The following SETD1B variants were observed in gnomAD, a reference collection of about 807,000 sequenced individuals.
SETD1B encodes the protein histone-lysine N-methyltransferase SETD1B.
A neutral mutation model predicts 148.0 loss-of-function variants in SETD1B; 7 were observed. The ratio of observed to expected loss-of-function variants is 0.05; its 90% CI spans 0.03 to 0.09. The LOEUF (loss-of-function observed/expected upper bound fraction) is 0.09, where lower values mean the gene tolerates loss of function less well. SETD1B is among the 10% of genes least tolerant of loss of function. The pLI is 1.00. For missense variants in SETD1B, 2,155 were observed against 2,729.9 expected (o/e 0.79, Z 4.69); for synonymous variants, 1,361 against 1,186.5 (o/e 1.15, Z -3.02).
rs1177699899 is a variant in SETD1B, at chr12:121,823,391, G to A, written c.4812G>A (p.Leu1604=). Residue 1604 remains leucine, a synonymous_variant, in exon 12 of 17, where the codon CTG becomes CTA. Coordinates refer to ENST00000604567, the MANE Select transcript of SETD1B (RefSeq NM_001353345.2). The part of the protein sequence containing the change: ...PPPPPVEPTK[L]PFKELDNQWP... Reference sequence around the variant, plus strand: ...CCCCACCTGTAGAGCCCACCAAGCTGCCCTTTAAGGAGCTAGACAACCAGT... The same window carrying A: ...CCCCACCTGTAGAGCCCACCAAGCTACCCTTTAAGGAGCTAGACAACCAGT... The A allele has an allele frequency of 1.6e-6, 2 of 1,290,088 alleles. No individual in the cohort carries two copies. The highest frequency in any genetic ancestry group is 1.8e-5 in the African/African-American group (1 of 55,206). The allele number at this position is 1,290,088 out of a possible 1,614,324, so 79.9% of individuals were successfully genotyped here.
At chr12:121,793,003 C>G in the SETD1B span, 5 of 672,206 alleles carry the variant, frequency 7.4e-6, no homozygotes, top group East Asian at 1.4e-4. Flanking sequence ...GGCCCCGCAG[C>G]CAGCGCCCCT....
intron 15 of SETD1B, 32 bp downstream of exon 15, chr12:121,827,886 G>A (rs1876915435): frequency 6.4e-7 from 1 of 1,552,778 alleles, no homozygotes. Flanking sequence ...GGGCACCGGG[G>A]TGGGCATGGG....
At chr12:121,812,461 C>CA (rs1042611087) in intron 6 of SETD1B, among the ~76,000 whole-genome samples, 2 of 150,570 alleles carry the variant, frequency 1.3e-5, no homozygotes, top group African/African-American at 5.0e-5. Flanking sequence ...TGAGGTGCCG[C>CA]ACAGGATGCT....
Position 121,823,407 on chromosome 12 carries a change from G to A in SETD1B, c.4828G>A (p.Asp1610Asn). Residue 1610 changes from aspartate to asparagine, a missense_variant, in exon 12 of 17, where the codon GAC becomes AAC. By Grantham distance (23) the Asp-to-Asn change is conservative. Coordinates refer to ENST00000604567, the MANE Select transcript of SETD1B (RefSeq NM_001353345.2). ...EPTKLPFKEL[D>N]NQWPSEAIPP... ...CACCAAGCTGCCCTTTAAGGAGCTAGACAACCAGTGGCCCTCCGAGGCCAT... is the reference window on the plus strand; with the variant it reads ...CACCAAGCTGCCCTTTAAGGAGCTAAACAACCAGTGGCCCTCCGAGGCCAT... 6.5e-7 allele frequency: 1 copy of A among 1,540,158 alleles called. No homozygotes were observed. The highest frequency in any genetic ancestry group is 2.5e-5 in the East Asian group (1 of 40,548).
intron 11 of SETD1B, among the ~76,000 whole-genome samples, chr12:121,822,095 A>C (rs1416380749): frequency 6.6e-6 from 1 of 152,236 alleles, no homozygotes; most frequent in Non-Finnish European, 1.5e-5. Flanking sequence ...TTAAAAAATT[A>C]AGAAGTGTAT....
chr12:121,817,672 T>C lies in SETD1B; in HGVS notation c.3280T>C (p.Ser1094Pro). Residue 1094 changes from serine to proline, a missense_variant, in exon 9 of 17, where the codon TCC (serine) becomes CCC (proline). Ser to Pro is a moderately conservative substitution (Grantham distance 74). This residue lies in a region of SETD1B where 862 missense variants were observed against 873.8 expected (regional missense o/e 0.99). Transcript: ENST00000604567. The surrounding 1 kb of genome is among the most constrained non-coding windows in gnomAD (Gnocchi z 8.1). ...EEEEVPRSQL[S>P]SSSTSSTSDK... Reference sequence around the variant, plus strand: ...GGAGGAAGTCCCCAGGAGCCAGCTCTCCTCCTCCTCAACCTCATCCACATC... The same window carrying C: ...GGAGGAAGTCCCCAGGAGCCAGCTCCCCTCCTCCTCAACCTCATCCACATC... 6.5e-7 allele frequency: 1 copy of C among 1,549,872 alleles called. No homozygotes were observed. Among genetic ancestry groups the C allele is most frequent in the Non-Finnish European group, 8.7e-7 (1 of 1,146,094 alleles).
rs770397051 is a variant in SETD1B, at chr12:121,810,761, C to T, written c.1816C>T (p.Leu606Phe). ...GCCAGGCCCCCCGGACCCTGCTGGG[C>T]TTCTGAGCCAGACAGCTGAGGTGGC... ...PEPGPPDPAG[L>F]LSQTAEVALD... The change falls in exon 6 of 17, where the codon CTT becomes TTT. Residue 606 changes from leucine (L) to phenylalanine (F), a missense_variant. This residue lies in a region of SETD1B where 295 missense variants were observed against 303.8 expected (regional missense o/e 0.97). Coordinates refer to ENST00000604567, the MANE Select transcript of SETD1B (RefSeq NM_001353345.2). The surrounding 1 kb of genome is among the most constrained non-coding windows in gnomAD (Gnocchi z 7.6). The T allele has an allele frequency of 4.1e-5, 64 of 1,549,096 alleles. 1 individual carries two copies. In the Middle Eastern group the frequency reaches 8.3e-4, roughly 20 times the overall value.
upstream of SETD1B, chr12:121,799,504 T>C (rs1453556409): frequency 2.0e-5 from 3 of 152,198 alleles, no homozygotes; most frequent in African/African-American, 7.2e-5. Context: ...AGTTGGGCTT[T>C]CTGACAGTGA....
intron 4 of SETD1B, among the ~76,000 whole-genome samples, chr12:121,806,877 G>A (rs1875771046): frequency 6.6e-6 from 1 of 152,194 alleles, no homozygotes; most frequent in Non-Finnish European, 1.5e-5. Flanking sequence ...AGGACTCGAG[G>A]GCATTCCCCA....
At chr12:121,821,080 A>G (rs944449790) in intron 11 of SETD1B, among the ~76,000 whole-genome samples, 14 of 152,166 alleles carry the variant, frequency 9.2e-5, no homozygotes, top group Non-Finnish European at 2.1e-4. Flanking sequence ...CTCTGTGTGT[A>G]TTGAGGGACG....
intron 4 of SETD1B, among the ~76,000 whole-genome samples, chr12:121,807,022 G>A (rs1029906935): frequency 2.3e-4 from 35 of 152,266 alleles, no homozygotes; most frequent in Non-Finnish European, 4.3e-4. Flanking sequence ...ACCCTGCCTG[G>A]GAGGGCAAAA....
rs1875911287 is a variant in SETD1B, at chr12:121,809,523, C to A, written c.658-80C>A. Reference sequence around the variant, plus strand: ...AGCAGTTTGGCTCTGAGCTTCCCAGCAGCCAGAGTGAGAAGGGAAAATAGC... The same window carrying A: ...AGCAGTTTGGCTCTGAGCTTCCCAGAAGCCAGAGTGAGAAGGGAAAATAGC... On this transcript the variant is annotated intron_variant, in intron 5 of 16. Transcript: ENST00000604567. 6 of 1,428,988 alleles carry A rather than the reference C, an allele frequency of 4.2e-6. No individual in the cohort carries two copies. In the African/African-American group the frequency reaches 4.3e-5, roughly 10 times the overall value. The allele number at this position is 1,428,988 out of a possible 1,614,324, so 88.5% of individuals were successfully genotyped here.
the SETD1B span, chr12:121,794,112 A>C: frequency 6.3e-6 from 1 of 157,874 alleles, no homozygotes; most frequent in Non-Finnish European, 1.4e-5. Context: ...AGAGCCCCTC[A>C]ACTTTGCACT....
chr12:121,805,689 AT>A lies in SETD1B; in HGVS notation c.274-130del, dbSNP rs67605254. 0.068 allele frequency: 36,590 copies of A among 534,556 alleles called. 1,066 individuals are homozygous for A. Among genetic ancestry groups the A allele is most frequent in the African/African-American group, 0.23 (11,059 of 48,624 alleles). The allele number at this position is 534,556 out of a possible 1,614,324, so 33.1% of individuals were successfully genotyped here. On this transcript the variant is annotated intron_variant, in intron 3 of 16. Transcript: ENST00000604567. This position sits in a 1 kb window ranked among gnomAD's most constrained non-coding sequence, Gnocchi z 4.2. ...CGTGCATTTTTTTTTTCCAAAAAAA[AT>A]TTTTTTTTTTTTTTTAATTTTTAGT...
At position 121,827,526 on chromosome 12, in the gene SETD1B, G is replaced by A. The variant is rs1354602032; in HGVS notation, c.5345G>A (p.Ser1782Asn). The change falls in exon 14 of 17, where the codon AGC (serine) becomes AAC (asparagine). Residue 1782 changes from serine to asparagine, a missense_variant. Around this residue, in one of 11 missense-constraint regions of SETD1B, gnomAD observed 96 missense variants for 148.7 expected, o/e 0.65. Transcript: ENST00000604567. ...GCACACCGTCCACTGCAGGGCATGA[G>A]CATCCCAGCACAGCCCCACGCCTCC... is the stretch of plus-strand genomic sequence containing the variant. ...DEPPADTQGM[S>N]IPAQPHASTR... is the part of the protein sequence containing the mutation. The A allele has an allele frequency of 1.3e-6, 2 of 1,538,616 alleles. No homozygotes were observed. The highest frequency in any genetic ancestry group is 1.8e-6 in the Non-Finnish European group (2 of 1,142,728).
At position 121,809,715 on chromosome 12, in the gene SETD1B, C is replaced by T. The variant is rs1875920962; in HGVS notation, c.770C>T (p.Ala257Val). The T allele has an allele frequency of 1.9e-6, 3 of 1,551,506 alleles. No individual in the cohort carries two copies. The highest frequency in any genetic ancestry group is 2.0e-5 in the Admixed American group (1 of 50,986). Residue 257 changes from alanine to valine, a missense_variant, in exon 6 of 17, where the codon GCT becomes GTT. Around this residue, in one of 11 missense-constraint regions of SETD1B, gnomAD observed 376 missense variants for 385.0 expected, o/e 0.98. Transcript: ENST00000604567. ...GGGACACCCTTCTCCCAGGACACAG[C>T]TTATTCCAGCTGCCGCCTGGACACA... Reference protein sequence around the residue: ...SGGTPFSQDTAYSSCRLDTPN... With the variant: ...SGGTPFSQDTVYSSCRLDTPN...
At chr12:121,826,936 C>T (rs1028925201) in intron 13 of SETD1B, among the ~76,000 whole-genome samples, 2 of 151,342 alleles carry the variant, frequency 1.3e-5, no homozygotes, top group African/African-American at 4.9e-5. Context: ...TTGAGTTCTG[C>T]GGGTTCTGAA....
chr12:121,818,868 C>T (rs1228958949), intron 10 of SETD1B, among the ~76,000 whole-genome samples: 11 of 145,528 alleles, frequency 7.6e-5, no homozygotes, highest in South Asian at 6.5e-4. Flanking sequence ...CCACCCTGGG[C>T]GACAGAGCGA....
rs1180559760 is a variant in SETD1B at position 121,817,477 on chromosome 12, C to T, written c.3085C>T (p.Leu1029=). The change falls in exon 9 of 17, where the codon CTG becomes TTG. Residue 1029 remains leucine (L), a synonymous_variant. Coordinates refer to ENST00000604567, the MANE Select transcript of SETD1B (RefSeq NM_001353345.2). This position sits in a 1 kb window ranked among gnomAD's most constrained non-coding sequence, Gnocchi z 8.1. ...GCGGCGGCCGGCGCGGCCTCTGGAG[C>T]TGGACAGTGGTGGGGAGGAGGACGA... The part of the protein sequence containing the change: ...VRRRPARPLE[L]DSGGEEDEKE... 1 of 1,550,262 alleles carries T rather than the reference C, an allele frequency of 6.5e-7. No homozygotes were observed. The highest frequency in any genetic ancestry group is 8.7e-7 in the Non-Finnish European group (1 of 1,146,184).
Sources: gnomAD v4.1 joint callset for allele counts (sites outside exome capture counted in the v4.1 genomes callset) on GRCh38, gnomAD v4.1.1 for gene constraint, gnomAD v4.1.1 regional missense constraint, Gnocchi (gnomAD v3.1) non-coding constraint, MANE v1.5 for transcripts, NCBI Gene and HGNC (gene_info 2026-07-23, HGNC 2026-07-21) for gene names.